LRIF1: variants seen among roughly 807,000 people sequenced by gnomAD.
The protein encoded by LRIF1 is ligand dependent nuclear receptor interacting factor 1.
A neutral mutation model predicts 52.7 loss-of-function variants in LRIF1; 32 were observed. The observed-to-expected ratio is 0.61, with a 90% CI of 0.46 to 0.82. The LOEUF (loss-of-function observed/expected upper bound fraction) is 0.82. Among genes scored for constraint, LRIF1 ranks in the 40% least tolerant of loss-of-function variants. The probability of loss-of-function intolerance (pLI) is 0.00; values close to 1 mark genes in which losing one functional copy is unlikely to be tolerated. For missense variants in LRIF1, 887 were observed against 892.0 expected, an observed-to-expected ratio of 0.99 and a Z score of 0.07; for synonymous variants, 323 against 317.4, an observed-to-expected ratio of 1.02 and a Z score of -0.19.
At chr1:110,946,195 C>T (rs1658199496), downstream of LRIF1, among the ~76,000 whole-genome samples, 1 of 152,064 alleles carries the variant, frequency 6.6e-6, no homozygotes, top group Admixed American at 6.5e-5. Context: ...CATGGATAAA[C>T]CTTGAAAACA....
the LRIF1 span, among the ~76,000 whole-genome samples, chr1:110,886,685 C>T: frequency 1.3e-5 from 2 of 151,658 alleles, no homozygotes; most frequent in African/African-American, 4.8e-5. Context: ...CCTGTCTCTA[C>T]TAAAAATACA....
At chr1:110,948,664 A>C (rs763098057) in intron 3 of LRIF1, among the ~76,000 whole-genome samples, 20 of 152,206 alleles carry the variant, frequency 1.3e-4, no homozygotes, top group Non-Finnish European at 2.5e-4. Context: ...TCACCACAGA[A>C]ATATAATAGC....
At chr1:110,888,408 G>A in the LRIF1 span, among the ~76,000 whole-genome samples, 2 of 152,250 alleles carry the variant, frequency 1.3e-5, no homozygotes, top group South Asian at 2.1e-4. Context: ...TCCATGGTTT[G>A]GAAACTGTCT....
At chr1:110,898,720 A>G in the LRIF1 span, among the ~76,000 whole-genome samples, 1 of 151,938 alleles carries the variant, frequency 6.6e-6, no homozygotes, top group Non-Finnish European at 1.5e-5. Flanking sequence ...AGTGTTGGGT[A>G]TATCATAGAT....
chr1:110,886,866 TA>T, the LRIF1 span, among the ~76,000 whole-genome samples: 32 of 84,558 alleles, frequency 3.8e-4, no homozygotes, highest in East Asian at 2.9e-3. Flanking sequence ...TATATATATA[TA>T]TATTTTTTTT....
At chr1:110,916,925 A>G in the LRIF1 span, among the ~76,000 whole-genome samples, 1 of 152,240 alleles carries the variant, frequency 6.6e-6, no homozygotes, top group African/African-American at 2.4e-5. Flanking sequence ...TGTCTAAACT[A>G]AATTATGTTT....
the LRIF1 span, among the ~76,000 whole-genome samples, chr1:110,898,434 A>G: frequency 6.6e-6 from 1 of 151,370 alleles, no homozygotes; most frequent in African/African-American, 2.4e-5. Flanking sequence ...CAGAGATATG[A>G]GTGATTCACA....
intron 1 of LRIF1, among the ~76,000 whole-genome samples, chr1:110,953,500 C>A (rs542955242): frequency 6.6e-6 from 1 of 152,196 alleles, no homozygotes; most frequent in Non-Finnish European, 1.5e-5. Flanking sequence ...TATAATACCA[C>A]TGCAATTTCA....
the LRIF1 span, chr1:110,899,646 CCT>C: frequency 6.1e-6 from 1 of 163,238 alleles, no homozygotes; most frequent in African/African-American, 2.4e-5. Flanking sequence ...TTGTCACAAC[CCT>C]CTGTTTCTCT....
chr1:110,892,909 G>A, the LRIF1 span: 1 of 178,746 alleles, frequency 5.6e-6, no homozygotes, highest in African/African-American at 2.4e-5. Flanking sequence ...CTGACTGAGA[G>A]TCGCTAACTA....
At chr1:110,939,724 T>A in the LRIF1 span, 1 of 151,958 alleles carries the variant, frequency 6.6e-6, no homozygotes, top group Non-Finnish European at 1.5e-5. Flanking sequence ...GCCAAGAAAA[T>A]ATACTGGGGA....
the LRIF1 span, among the ~76,000 whole-genome samples, chr1:110,915,519 TTAC>T: frequency 5.2e-5 from 5 of 96,848 alleles, no homozygotes; most frequent in African/African-American, 2.4e-4. Context: ...ATAAATAAAT[TTAC>T]TTACTATGTT....
the LRIF1 span, among the ~76,000 whole-genome samples, chr1:110,910,802 G>T: frequency 6.6e-6 from 1 of 152,120 alleles, no homozygotes; most frequent in African/African-American, 2.4e-5. Context: ...TCTTTGAAAT[G>T]AATGAAAACA....
the LRIF1 span, among the ~76,000 whole-genome samples, chr1:110,903,943 T>G: frequency 6.6e-6 from 1 of 152,150 alleles, no homozygotes; most frequent in Non-Finnish European, 1.5e-5. Context: ...CACCACAAGC[T>G]GACTTATGAG....
In LRIF1 at chr1:110,952,625, A is replaced by C. The variant is rs1658532698; in HGVS notation, c.259T>G (p.Ser87Ala). The change falls in exon 2 of 4, where the codon TCT becomes GCT. Residue 87 changes from serine to alanine, a missense_variant. Physicochemically the swap from Ser to Ala is moderately conservative, Grantham distance 99. Coordinates refer to ENST00000369763, the MANE Select transcript of LRIF1 (RefSeq NM_018372.4). ...AATTGAACTGATGCACTTGTGGAAG[A>C]GCTGGAAATCTGAGTCTGAAAAGTA... ...QVTFQTQISS[S>A]STSASVQLPI... 6.2e-7 allele frequency: 1 copy of C among 1,613,992 alleles called. No individual in the cohort carries two copies. Among genetic ancestry groups the C allele is most frequent in the Admixed American group, 1.7e-5 (1 of 60,002 alleles).
downstream of LRIF1, among the ~76,000 whole-genome samples, chr1:110,945,781 T>C (rs922497618): frequency 5.9e-5 from 9 of 152,222 alleles, no homozygotes; most frequent in Non-Finnish European, 1.3e-4. Flanking sequence ...TTCAACATTT[T>C]TCAAAGGAAG....
chr1:110,896,815 C>T, the LRIF1 span: 1 of 1,159,480 alleles, frequency 8.6e-7, no homozygotes. Context: ...CATAGAGGAC[C>T]TAGACCTTCT....
At chr1:110,905,415 T>C in the LRIF1 span, among the ~76,000 whole-genome samples, 2 of 149,450 alleles carry the variant, frequency 1.3e-5, no homozygotes, top group East Asian at 4.0e-4. Context: ...TAACATACAA[T>C]GGAGCTCCAA....
chr1:110,894,298 G>A, the LRIF1 span: 1 of 1,602,538 alleles, frequency 6.2e-7, no homozygotes, highest in Non-Finnish European at 8.5e-7. Context: ...GGGGATCAGT[G>A]CTGTGAGAAT....
Sources: gnomAD v4.1 joint callset for allele counts (sites outside exome capture counted in the v4.1 genomes callset) on GRCh38, gnomAD v4.1.1 for gene constraint, MANE v1.5 for transcripts, NCBI Gene and HGNC (gene_info 2026-07-23, HGNC 2026-07-21) for gene names.